GABRA3: variants seen among roughly 807,000 people sequenced by gnomAD.
GABRA3 encodes the protein gamma-aminobutyric acid type A receptor subunit alpha3.
A neutral mutation model predicts 30.1 loss-of-function variants in GABRA3; 10 were observed. The observed-to-expected ratio is 0.33, with a 90% CI of 0.20 to 0.56. The LOEUF (loss-of-function observed/expected upper bound fraction) is 0.56. Among genes scored for constraint, GABRA3 ranks in the 20% least tolerant of loss-of-function variants. The pLI is 0.89. For synonymous variants in GABRA3, 151 were observed against 146.8 expected, an observed-to-expected ratio of 1.03 and a Z score of -0.21; for missense variants, 233 against 392.0, an observed-to-expected ratio of 0.59 and a Z score of 3.42.
At chrX:152,203,795 T>A (rs568815682) in intron 7 of GABRA3, among the ~76,000 whole-genome samples, 1 of 111,931 alleles carries the variant, frequency 8.9e-6, no homozygotes, top group South Asian at 3.8e-4. Flanking sequence ...CTCTCCTTTA[T>A]AAGGACTCTC....
intron 5 of GABRA3, among the ~76,000 whole-genome samples, chrX:152,250,889 T>G (rs1025536137): frequency 3.6e-5 from 4 of 111,176 alleles, no homozygotes; most frequent in African/African-American, 1.3e-4. Context: ...AATAACACTT[T>G]CTGAAAAATT....
At chrX:152,255,183 T>C (rs1243815881) in intron 5 of GABRA3, among the ~76,000 whole-genome samples, 1 of 111,850 alleles carries the variant, frequency 8.9e-6, no homozygotes, top group Non-Finnish European at 1.9e-5. Context: ...TAGATAGAGA[T>C]ATAATCTTAA....
chrX:152,418,486 A>T (rs1438320159), intron 1 of GABRA3, among the ~76,000 whole-genome samples: 1 of 111,845 alleles, frequency 8.9e-6, no homozygotes, highest in Non-Finnish European at 1.9e-5. Context: ...TGAAAATGAA[A>T]ATATAGCAAA....
chrX:152,302,799 T>C (rs1939653934), intron 3 of GABRA3, among the ~76,000 whole-genome samples: 1 of 111,390 alleles, frequency 9.0e-6, no homozygotes, highest in South Asian at 3.8e-4. Context: ...TGCCCTATGT[T>C]TAGCTCCCAC....
Position 152,317,830 on chromosome X carries a change from G to C in GABRA3, c.262+27751C>G, listed in dbSNP as rs377238745. 1.4e-4 allele frequency among the ~76,000 whole-genome samples: 16 copies of C among 111,345 alleles called. No homozygotes were observed. The East Asian group carries it at 3.9e-3, about 27-fold the overall frequency. On this transcript the variant is annotated intron_variant, in intron 3 of 9. Transcript: ENST00000370314. ...GATACGGCAAAAGCAGTGCTAAGAG[G>C]AAAGTTCATAGCCTTAAATGCCTAC...
intron 1 of GABRA3, among the ~76,000 whole-genome samples, chrX:152,421,242 A>G: frequency 9.0e-6 from 1 of 110,855 alleles, no homozygotes; most frequent in Non-Finnish European, 1.9e-5. Context: ...CAAGGAAACA[A>G]CATACTGTAA....
At chrX:152,332,709 G>A (rs1319178787) in intron 3 of GABRA3, among the ~76,000 whole-genome samples, 1 of 111,827 alleles carries the variant, frequency 8.9e-6, no homozygotes, top group Admixed American at 9.5e-5. Context: ...TAAAAGCCCT[G>A]TTCTCTGGTG....
At chrX:152,294,008 A>T (rs1167330964) in intron 3 of GABRA3, among the ~76,000 whole-genome samples, 1 of 111,574 alleles carries the variant, frequency 9.0e-6, no homozygotes. Flanking sequence ...TGTTAGTCTG[A>T]TGGGCTTCCC....
chrX:152,248,427 C>A (rs1938495817), intron 5 of GABRA3, among the ~76,000 whole-genome samples: 1 of 111,169 alleles, frequency 9.0e-6, no homozygotes, highest in Non-Finnish European at 1.9e-5. Flanking sequence ...TACAAATAAG[C>A]ACAGTGGTCT....
intron 3 of GABRA3, among the ~76,000 whole-genome samples, chrX:152,338,294 C>T (rs1224641844): frequency 8.9e-6 from 1 of 112,105 alleles, no homozygotes; most frequent in Non-Finnish European, 1.9e-5. Context: ...TGATTTTGAG[C>T]ATTTTTTCAT....
At chrX:152,308,281 G>T (rs185959632) in intron 3 of GABRA3, among the ~76,000 whole-genome samples, 1 of 112,839 alleles carries the variant, frequency 8.9e-6, no homozygotes, top group Non-Finnish European at 1.9e-5. Flanking sequence ...TCCTTCCACT[G>T]CTTTGCTGGC....
intron 1 of GABRA3, among the ~76,000 whole-genome samples, chrX:152,386,938 A>G (rs1929334237): frequency 9.4e-6 from 1 of 106,549 alleles, no homozygotes; most frequent in South Asian, 4.4e-4. Flanking sequence ...AAAATGTGGC[A>G]CATATACACC....
At chrX:152,309,651 A>G (rs1721071233) in intron 3 of GABRA3, among the ~76,000 whole-genome samples, 1 of 112,265 alleles carries the variant, frequency 8.9e-6, no homozygotes, top group South Asian at 3.7e-4. Context: ...GGAGTGTTAA[A>G]CACAGAAACA....
chrX:152,168,206 G>A lies in GABRA3; in HGVS notation c.*22C>T, dbSNP rs1936959677. 1 of 1,179,662 alleles carries A rather than the reference G, an allele frequency of 8.5e-7. No homozygotes were observed. The highest frequency in any genetic ancestry group is 2.4e-4 in the Middle Eastern group (1 of 4,123). ...GCTTCACGGGGTATACAGTGCTCTG[G>A]TTGCTGCACTGCCACCACTATCTAC... On this transcript the variant is annotated 3_prime_UTR_variant, in exon 10 of 10. Transcript: ENST00000370314.
At chrX:152,229,111 C>T (rs1472971418) in intron 5 of GABRA3, among the ~76,000 whole-genome samples, 1 of 111,342 alleles carries the variant, frequency 9.0e-6, no homozygotes, top group Non-Finnish European at 1.9e-5. Context: ...CTCTCCTTTT[C>T]CAACCTTTCT....
chrX:152,325,199 C>T (rs756354722), intron 3 of GABRA3, among the ~76,000 whole-genome samples: 18 of 111,468 alleles, frequency 1.6e-4, no homozygotes, highest in African/African-American at 5.9e-4. Flanking sequence ...GAGAAAAAGG[C>T]CCAAGGTCAA....
At position 152,319,465 on chromosome X, in the gene GABRA3, CAT is replaced by C. The variant is rs934455830; in HGVS notation, c.262+26114_262+26115del. ...TGATCTTCCACAAAGCAAGCAAAAA[CAT>C]AAAATGGGGAAAGGACACTCTATTC... On this transcript the variant is annotated intron_variant, in intron 3 of 9. Transcript: ENST00000370314. Among the ~76,000 whole-genome samples, 2 of 111,730 alleles carry C rather than the reference CAT, an allele frequency of 1.8e-5. 1 individual carries two copies. The highest frequency in any genetic ancestry group is 3.8e-5 in the Non-Finnish European group (2 of 53,081).
intron 1 of GABRA3, among the ~76,000 whole-genome samples, chrX:152,366,279 G>A (rs182307598): frequency 3.6e-5 from 4 of 111,748 alleles, no homozygotes; most frequent in Admixed American, 9.5e-5. Context: ...CTACTCTACA[G>A]GAACAGAGAC....
chrX:152,379,934 T>G (rs917803198), intron 1 of GABRA3, among the ~76,000 whole-genome samples: 21 of 110,006 alleles, frequency 1.9e-4, no homozygotes, highest in African/African-American at 6.6e-4. Context: ...GCCTCCCGGG[T>G]TCAAGCGAGT....
Sources: allele counts gnomAD v4.1 joint callset (sites outside exome capture counted in the v4.1 genomes callset), GRCh38; gene constraint gnomAD v4.1.1; transcripts MANE v1.5; gene names NCBI Gene and HGNC (gene_info 2026-07-23, HGNC 2026-07-21).